LYRM4: variants seen among roughly 807,000 people sequenced by gnomAD.
LYRM4 encodes LYR motif containing 4.
A neutral mutation model predicts 11.7 loss-of-function variants in LYRM4; 9 were observed. The ratio of observed to expected loss-of-function variants is 0.77; its 90% CI spans 0.46 to 1.34. LYRM4 has a LOEUF of 1.34. Ranked by LOEUF, LYRM4 falls within the 40% of genes most tolerant of loss-of-function variation. The probability of loss-of-function intolerance (pLI) is 0.00; values close to 1 mark genes in which losing one functional copy is unlikely to be tolerated. For synonymous variants in LYRM4, 42 were observed against 40.4 expected, an observed-to-expected ratio of 1.04 and a Z score of -0.15; for missense variants, 133 against 112.5, an observed-to-expected ratio of 1.18 and a Z score of -0.82.
chr6:5,150,504 T>C (rs1758025889), intron 2 of LYRM4, among the ~76,000 whole-genome samples: 1 of 151,978 alleles, frequency 6.6e-6, no homozygotes, highest in African/African-American at 2.4e-5. Context: ...CATAGGGAGG[T>C]GAGGTCTGAG....
intron 2 of LYRM4, among the ~76,000 whole-genome samples, chr6:5,138,949 G>T (rs1244659810): frequency 6.6e-6 from 1 of 152,204 alleles, no homozygotes. Flanking sequence ...CGAGCAATCA[G>T]AGGACTTCAA....
chr6:5,090,015 G>GACAC, the LYRM4 span, among the ~76,000 whole-genome samples: 13,456 of 149,508 alleles, frequency 0.09, 724 homozygotes, highest in African/African-American at 0.13. The surrounding 1 kb of genome is among the most constrained non-coding windows in gnomAD (Gnocchi z 4.8). Context: ...CTGAAAGGAA[G>GACAC]ACACACACAC....
chr6:5,133,777 T>C (rs1386436776), intron 2 of LYRM4, among the ~76,000 whole-genome samples: 1 of 152,204 alleles, frequency 6.6e-6, no homozygotes, highest in African/African-American at 2.4e-5. Flanking sequence ...CCTGTTTTCT[T>C]ATTTTCCCAG....
the LYRM4 span, among the ~76,000 whole-genome samples, chr6:5,097,999 T>C: frequency 6.6e-6 from 1 of 152,196 alleles, no homozygotes; most frequent in East Asian, 1.9e-4. Context: ...CAAAAAAAAT[T>C]CTTTTTAGAG....
At chr6:5,257,307 T>C (rs1764724688) in intron 1 of LYRM4, among the ~76,000 whole-genome samples, 1 of 152,158 alleles carries the variant, frequency 6.6e-6, no homozygotes, top group South Asian at 2.1e-4. Flanking sequence ...TTTGCCTGCC[T>C]GACCACACCA....
chr6:5,095,260 C>T, the LYRM4 span, among the ~76,000 whole-genome samples: 1 of 152,088 alleles, frequency 6.6e-6, no homozygotes, highest in African/African-American at 2.4e-5. Context: ...AATTATTTGA[C>T]CTAAACCTGT....
chr6:5,199,300 G>A (rs1318819516), intron 2 of LYRM4, among the ~76,000 whole-genome samples: 1 of 152,200 alleles, frequency 6.6e-6, no homozygotes, highest in African/African-American at 2.4e-5. Context: ...GAGGCCAGTC[G>A]TGAATATAAA....
chr6:5,168,405 T>C (rs1423957769), intron 2 of LYRM4, among the ~76,000 whole-genome samples: 1 of 152,192 alleles, frequency 6.6e-6, no homozygotes, highest in Non-Finnish European at 1.5e-5. Context: ...TGCCTGCAGA[T>C]GTGACAGAAT....
chr6:5,204,891 CT>C (rs1445504353), intron 2 of LYRM4, among the ~76,000 whole-genome samples: 6 of 152,202 alleles, frequency 3.9e-5, no homozygotes, highest in Non-Finnish European at 8.8e-5. Context: ...CGCAAAGATG[CT>C]AAGTGGTGCA....
At chr6:5,207,822 A>G (rs1213764967) in intron 2 of LYRM4, among the ~76,000 whole-genome samples, 1 of 152,194 alleles carries the variant, frequency 6.6e-6, no homozygotes, top group Non-Finnish European at 1.5e-5. Context: ...CAAGCTATTC[A>G]TGAGCCTACA....
At chr6:5,044,133 G>GTTTA in the LYRM4 span, among the ~76,000 whole-genome samples, 1 of 150,986 alleles carries the variant, frequency 6.6e-6, no homozygotes, top group Non-Finnish European at 1.5e-5. Flanking sequence ...TTGTTTGTTT[G>GTTTA]TTTTTTGTTT....
chr6:5,156,560 C>A (rs1024933792), intron 2 of LYRM4, among the ~76,000 whole-genome samples: 1 of 152,146 alleles, frequency 6.6e-6, no homozygotes, highest in Non-Finnish European at 1.5e-5. Flanking sequence ...GTGGAATGGC[C>A]GGGGCTGCCC....
At chr6:5,170,119 T>C (rs987279819) in intron 2 of LYRM4, among the ~76,000 whole-genome samples, 1 of 152,216 alleles carries the variant, frequency 6.6e-6, no homozygotes, top group South Asian at 2.1e-4. Context: ...GAAGAGGTTA[T>C]GGGATTCCCA....
chr6:5,136,228 T>C, intron 2 of LYRM4: 26 of 952,766 alleles, frequency 2.7e-5, no homozygotes, highest in Non-Finnish European at 3.2e-5. Flanking sequence ...AGTCCCTGCT[T>C]TCAGTTCTCT....
At chr6:5,055,795 A>C in the LYRM4 span, among the ~76,000 whole-genome samples, 1 of 152,162 alleles carries the variant, frequency 6.6e-6, no homozygotes, top group Non-Finnish European at 1.5e-5. The surrounding 1 kb of genome is among the most constrained non-coding windows in gnomAD (Gnocchi z 4.5). Flanking sequence ...GCTTCCCTTC[A>C]GTGGGGCTTG....
intron 1 of LYRM4, 149 bp from the exon 2 acceptor site, chr6:5,216,887 G>C: frequency 2.2e-6 from 2 of 902,138 alleles, no homozygotes; most frequent in Non-Finnish European, 1.6e-6. Context: ...GGCGCAGGCT[G>C]ATCCACTACC....
intron 2 of LYRM4, among the ~76,000 whole-genome samples, chr6:5,171,202 T>C (rs1267049521): frequency 1.3e-5 from 2 of 152,178 alleles, no homozygotes; most frequent in Non-Finnish European, 2.9e-5. Flanking sequence ...AGATTATCTG[T>C]GTAATAAAAA....
intron 2 of LYRM4, among the ~76,000 whole-genome samples, chr6:5,151,899 T>C (rs544634014): frequency 1.3e-5 from 2 of 152,300 alleles, no homozygotes; most frequent in South Asian, 4.1e-4. Flanking sequence ...CCAGTATTTT[T>C]CCCATTTTGC....
chr6:5,041,980 T>G, the LYRM4 span, among the ~76,000 whole-genome samples: 1 of 152,240 alleles, frequency 6.6e-6, no homozygotes. Flanking sequence ...TTAAAAGTAT[T>G]CTTGTTACCA....
Sources: gnomAD v4.1 joint callset for allele counts (sites outside exome capture counted in the v4.1 genomes callset) on GRCh38, gnomAD v4.1.1 for gene constraint, Gnocchi (gnomAD v3.1) non-coding constraint, MANE v1.5 for transcripts, NCBI Gene and HGNC (gene_info 2026-07-23, HGNC 2026-07-21) for gene names.